ANKRD45: variants seen among roughly 807,000 people sequenced by gnomAD.
ANKRD45 encodes ankyrin repeat domain 45.
ANKRD45 carries 21 observed loss-of-function variants against 28.1 expected under a neutral mutation model. That is an observed-to-expected ratio of 0.75 (90% confidence interval 0.53 to 1.08). The LOEUF is 1.08. Among genes scored for constraint, ANKRD45 ranks in the 50% least tolerant of loss-of-function variants. The pLI, the probability that ANKRD45 is intolerant of heterozygous loss-of-function variation, is 0.00. For missense variants in ANKRD45, 261 were observed against 308.7 expected (o/e 0.85, Z 1.16); for synonymous variants, 86 against 103.9 (o/e 0.83, Z 1.05).
chr1:173,617,988 A>C (rs948962386), intron 5 of ANKRD45, among the ~76,000 whole-genome samples: 5 of 152,196 alleles, frequency 3.3e-5, no homozygotes, highest in African/African-American at 1.2e-4. Flanking sequence ...GTAGAGGAAA[A>C]GCCAAGGCAA....
At chr1:173,667,751 G>A in intron 1 of ANKRD45, 1 of 424,390 alleles carries the variant, frequency 2.4e-6, no homozygotes, top group Non-Finnish European at 4.6e-6. Context: ...GCAGAGTTTT[G>A]GTGCAGTCAC....
At chr1:173,681,982 A>C in the ANKRD45 span, among the ~76,000 whole-genome samples, 1 of 151,860 alleles carries the variant, frequency 6.6e-6, no homozygotes, top group Non-Finnish European at 1.5e-5. Flanking sequence ...CCCAGGAAGC[A>C]GAGATAGTAG....
chr1:173,697,158 G>T, the ANKRD45 span, among the ~76,000 whole-genome samples: 1 of 152,108 alleles, frequency 6.6e-6, no homozygotes, highest in Non-Finnish European at 1.5e-5. Context: ...AAGAAATATG[G>T]GACTATGTGA....
chr1:173,711,926 C>A, the ANKRD45 span, among the ~76,000 whole-genome samples: 1 of 152,160 alleles, frequency 6.6e-6, no homozygotes, highest in East Asian at 1.9e-4. Flanking sequence ...ATAGGAGGGA[C>A]TGCTCTTATC....
chr1:173,626,519 A>C (rs775940612), intron 4 of ANKRD45, among the ~76,000 whole-genome samples: 4 of 152,202 alleles, frequency 2.6e-5, no homozygotes, highest in Non-Finnish European at 4.4e-5. Context: ...TTGAAGCAAA[A>C]TAATGAAATG....
the ANKRD45 span, among the ~76,000 whole-genome samples, chr1:173,678,087 G>A: frequency 2.0e-5 from 3 of 151,818 alleles, no homozygotes; most frequent in Non-Finnish European, 4.4e-5. Context: ...CAAAAATGGT[G>A]AAACCAAAAA....
upstream of ANKRD45, among the ~76,000 whole-genome samples, chr1:173,671,698 G>A (rs1256170120): frequency 6.7e-6 from 1 of 149,248 alleles, no homozygotes; most frequent in Non-Finnish European, 1.5e-5. Flanking sequence ...GTGAAACCCC[G>A]TCTCTACTAA....
chr1:173,612,070 C>T (rs12068135), intron 5 of ANKRD45, among the ~76,000 whole-genome samples: 24,004 of 151,832 alleles, frequency 0.16, 6,324 homozygotes, highest in African/African-American at 0.55. Context: ...ATGGCAAAAC[C>T]CTGTCTCTAC....
intron 1 of ANKRD45, among the ~76,000 whole-genome samples, chr1:173,661,118 A>G (rs147671805): frequency 6.6e-6 from 1 of 152,186 alleles, no homozygotes; most frequent in Non-Finnish European, 1.5e-5. Flanking sequence ...TAGGAATACA[A>G]GTAGATGCAG....
the ANKRD45 span, among the ~76,000 whole-genome samples, chr1:173,695,548 G>T: frequency 2.0e-5 from 3 of 152,082 alleles, no homozygotes; most frequent in Admixed American, 6.6e-5. Flanking sequence ...CTTTCTTATG[G>T]TGCCATAGTA....
chr1:173,612,364 A>C (rs1456920707), intron 5 of ANKRD45, among the ~76,000 whole-genome samples: 1 of 107,442 alleles, frequency 9.3e-6, no homozygotes, highest in Non-Finnish European at 2.0e-5. Context: ...AGGAAGGAAA[A>C]GTTTCTTCCC....
rs1364959349 is a variant in ANKRD45, at chr1:173,627,185, CAT to C, written c.497-28_497-27del. 3 of 1,469,140 alleles carry C rather than the reference CAT, an allele frequency of 2.0e-6. No individual in the cohort carries two copies. The African/African-American group carries it at 4.4e-5, about 21-fold the overall frequency. The allele number at this position is 1,469,140 out of a possible 1,614,324, so 91.0% of individuals were successfully genotyped here. A position where few individuals can be genotyped will look rare whatever the true frequency, so the allele number is the denominator to read the frequency against. ...CTGAAAGAATGGACAGAAACACACACATGACAAGACAAACACAAGAGGCAAAG... is the reference window on the plus strand; with the variant it reads ...CTGAAAGAATGGACAGAAACACACACGACAAGACAAACACAAGAGGCAAAG... On this transcript the variant is annotated intron_variant, in intron 3 of 5. Transcript: ENST00000333279.
chr1:173,655,772 C>A (rs1014265673), intron 2 of ANKRD45, among the ~76,000 whole-genome samples: 2 of 152,222 alleles, frequency 1.3e-5, no homozygotes, highest in Non-Finnish European at 2.9e-5. Context: ...TTCGAGCTTC[C>A]CTGGCTGCTT....
At chr1:173,635,448 T>G in intron 3 of ANKRD45, 1 of 1,059,386 alleles carries the variant, frequency 9.4e-7, no homozygotes, top group South Asian at 1.7e-5. Context: ...GTTATTTTAT[T>G]TTATTATTTA....
chr1:173,620,677 G>A (rs1461248497), intron 5 of ANKRD45, among the ~76,000 whole-genome samples: 1 of 151,980 alleles, frequency 6.6e-6, no homozygotes, highest in African/African-American at 2.4e-5. Flanking sequence ...GCACCAGCAT[G>A]GCACATGTAT....
chr1:173,613,906 T>C (rs1457743490), intron 5 of ANKRD45, among the ~76,000 whole-genome samples: 1 of 152,218 alleles, frequency 6.6e-6, no homozygotes, highest in Non-Finnish European at 1.5e-5. Context: ...TGGGAGACTT[T>C]TCATTTTGTT....
the ANKRD45 span, among the ~76,000 whole-genome samples, chr1:173,682,829 T>C: frequency 6.6e-6 from 1 of 152,194 alleles, no homozygotes; most frequent in Non-Finnish European, 1.5e-5. Flanking sequence ...AAATTGCTGC[T>C]ATTTCAGAAG....
the ANKRD45 span, among the ~76,000 whole-genome samples, chr1:173,707,459 A>G: frequency 1.3e-5 from 2 of 151,844 alleles, no homozygotes; most frequent in African/African-American, 4.8e-5. Flanking sequence ...CAGCCTTCCA[A>G]GTAGCTGGGA....
chr1:173,651,472 A>C (rs990283824), intron 2 of ANKRD45, among the ~76,000 whole-genome samples: 1 of 152,334 alleles, frequency 6.6e-6, no homozygotes, highest in Non-Finnish European at 1.5e-5. Context: ...TGGTACCAGT[A>C]CCATGCTGTT....
Sources: allele counts gnomAD v4.1 joint callset (sites outside exome capture counted in the v4.1 genomes callset), GRCh38; gene constraint gnomAD v4.1.1; transcripts MANE v1.5; gene names NCBI Gene and HGNC (gene_info 2026-07-23, HGNC 2026-07-21).